HTR7: variants seen among roughly 807,000 people sequenced by gnomAD.
HTR7 encodes 5-HT-7.
Under a neutral mutation model 34.0 loss-of-function variants are expected in HTR7, and 16 were observed. That is an observed-to-expected ratio of 0.47 (90% confidence interval 0.32 to 0.71). The LOEUF (loss-of-function observed/expected upper bound fraction) is 0.71, where lower values mean the gene tolerates loss of function less well. HTR7 is among the 30% of genes least tolerant of loss of function. The probability of loss-of-function intolerance (pLI) is 0.04; values close to 1 mark genes in which losing one functional copy is unlikely to be tolerated. For missense variants in HTR7, 504 were observed against 625.5 expected (o/e 0.81, Z 2.07); for synonymous variants, 265 against 260.2 (o/e 1.02, Z -0.18).
chr10:90,808,693 A>G (rs922501940), intron 1 of HTR7, among the ~76,000 whole-genome samples: 1 of 151,768 alleles, frequency 6.6e-6, no homozygotes, highest in South Asian at 2.1e-4. Context: ...TGCTTCCTTC[A>G]CTATGGGCAA....
intron 1 of HTR7, among the ~76,000 whole-genome samples, chr10:90,843,632 A>G (rs1281904042): frequency 6.6e-6 from 1 of 152,092 alleles, no homozygotes; most frequent in Admixed American, 6.6e-5. Flanking sequence ...GCAGTATGGT[A>G]CATGACTGGT....
At chr10:90,773,590 C>A (rs1010036439) in intron 1 of HTR7, among the ~76,000 whole-genome samples, 1 of 152,008 alleles carries the variant, frequency 6.6e-6, no homozygotes, top group African/African-American at 2.4e-5. Flanking sequence ...CATTAATCAT[C>A]CTCACCTGCT....
chr10:90,826,324 A>G (rs368567231), intron 1 of HTR7, among the ~76,000 whole-genome samples: 13 of 152,366 alleles, frequency 8.5e-5, no homozygotes, highest in African/African-American at 3.1e-4. Flanking sequence ...TTTTATCAAC[A>G]GCAGACCTGT....
rs1220353780 is a variant in HTR7 at position 90,758,902 on chromosome 10, T to A, written c.540-9308A>T. Among the ~76,000 whole-genome samples, 3 of 152,046 alleles carry A rather than the reference T, an allele frequency of 2.0e-5. No homozygotes were observed. The East Asian group carries it at 5.8e-4, about 29-fold the overall frequency. On this transcript the variant is annotated intron_variant, in intron 1 of 3. Coordinates refer to ENST00000336152, the MANE Select transcript of HTR7 (RefSeq NM_019859.4). The stretch of plus-strand genomic sequence containing the variant: ...AAGATTGAGTGTATAAAATGTGAAA[T>A]AGCGGCCGGGCGTGGTGGCTCATGC...
chr10:90,743,943 G>A (rs1844596249), intron 2 of HTR7: 1 of 641,510 alleles, frequency 1.6e-6, no homozygotes, highest in Non-Finnish European at 3.0e-6. Context: ...TGAGGTTCTG[G>A]TTATGCTGAT....
chr10:90,781,882 C>T lies in HTR7; in HGVS notation c.540-32288G>A, dbSNP rs186919321. ...GTAAGCACAGGCAGCAGTCAAACCA[C>T]AATTGGTACCTTACTCAAGGCTTTC... On this transcript the variant is annotated intron_variant, in intron 1 of 3. Transcript: ENST00000336152. 1.2e-4 allele frequency among the ~76,000 whole-genome samples: 18 copies of T among 152,344 alleles called. No individual in the cohort carries two copies. The Middle Eastern group carries it at 0.01, about 86-fold the overall frequency.
chr10:90,758,738 T>C (rs1055260876), intron 1 of HTR7, among the ~76,000 whole-genome samples: 4 of 152,048 alleles, frequency 2.6e-5, no homozygotes, highest in Non-Finnish European at 4.4e-5. Flanking sequence ...AGTAAAGTTA[T>C]TGAACTTCAA....
chr10:90,772,834 T>C (rs1845138379), intron 1 of HTR7, among the ~76,000 whole-genome samples: 1 of 152,218 alleles, frequency 6.6e-6, no homozygotes, highest in Non-Finnish European at 1.5e-5. Flanking sequence ...TAAAAGTTTA[T>C]CTACAGCACT....
intron 1 of HTR7, among the ~76,000 whole-genome samples, chr10:90,781,692 C>T (rs114684859): frequency 0.015 from 2,324 of 152,256 alleles, 73 homozygotes; most frequent in African/African-American, 0.052. Context: ...GTTTATTTAT[C>T]TTAGGCAGAG....
Position 90,857,026 on chromosome 10 carries a change from T to A in HTR7, c.539+107A>T. The A allele has an allele frequency of 9.3e-7, 1 of 1,074,606 alleles. No homozygotes were observed. Among genetic ancestry groups the A allele is most frequent in the South Asian group, 1.7e-5 (1 of 59,850 alleles). 66.6% of individuals were successfully genotyped at this position (1,074,606 alleles called of 1,614,324 possible). A position where few individuals can be genotyped will look rare whatever the true frequency, so the allele number is the denominator to read the frequency against. Reference sequence around the variant, plus strand: ...GCGGTGTTTTAAGCGCAGCCCTTCATCCCGCCTTGAAGTCTAGCTTGATCC... The same window carrying A: ...GCGGTGTTTTAAGCGCAGCCCTTCAACCCGCCTTGAAGTCTAGCTTGATCC... On this transcript the variant is annotated intron_variant, in intron 1 of 3. Transcript: ENST00000336152. This position sits in a 1 kb window ranked among gnomAD's most constrained non-coding sequence, Gnocchi z 6.5.
chr10:90,783,075 T>C (rs1845331757), intron 1 of HTR7, among the ~76,000 whole-genome samples: 1 of 152,246 alleles, frequency 6.6e-6, no homozygotes, highest in Admixed American at 6.5e-5. Flanking sequence ...AAGGGTCTGT[T>C]TCTCCAATTA....
chr10:90,781,358 A>C (rs1358369505), intron 1 of HTR7, among the ~76,000 whole-genome samples: 1 of 152,360 alleles, frequency 6.6e-6, no homozygotes, highest in Admixed American at 6.5e-5. Flanking sequence ...ATTTAAGCCG[A>C]ACCCCTAACA....
At chr10:90,794,483 T>A (rs1322801213) in intron 1 of HTR7, among the ~76,000 whole-genome samples, 4 of 152,150 alleles carry the variant, frequency 2.6e-5, no homozygotes, top group Non-Finnish European at 5.9e-5. Context: ...TAATTTTTAT[T>A]TTTGTTTTCT....
At chr10:90,790,372 G>A (rs570609084) in intron 1 of HTR7, among the ~76,000 whole-genome samples, 74 of 152,232 alleles carry the variant, frequency 4.9e-4, no homozygotes, top group African/African-American at 1.2e-3. Flanking sequence ...ATGTGACACC[G>A]ATTAACAAGA....
chr10:90,756,987 T>A (rs1020126745), intron 1 of HTR7, among the ~76,000 whole-genome samples: 15 of 152,186 alleles, frequency 9.9e-5, no homozygotes, highest in African/African-American at 3.6e-4. Context: ...GTATATGGAT[T>A]CACAATAAAC....
intron 1 of HTR7, among the ~76,000 whole-genome samples, chr10:90,757,543 C>G (rs988204354): frequency 6.6e-6 from 1 of 152,164 alleles, no homozygotes; most frequent in Middle Eastern, 3.2e-3. Context: ...GCGGTAGAAT[C>G]TACTCCCTTC....
chr10:90,793,177 T>C (rs1413841625), intron 1 of HTR7, among the ~76,000 whole-genome samples: 1 of 152,036 alleles, frequency 6.6e-6, no homozygotes, highest in East Asian at 1.9e-4. Flanking sequence ...ATCCAGAATA[T>C]ATTCCGGATA....
chr10:90,809,112 C>T (rs992053976), intron 1 of HTR7, among the ~76,000 whole-genome samples: 2 of 152,222 alleles, frequency 1.3e-5, no homozygotes, highest in Middle Eastern at 3.4e-3. Context: ...CTCCCCTCCT[C>T]GCCAGGCCGA....
intron 2 of HTR7, among the ~76,000 whole-genome samples, chr10:90,748,143 T>A (rs1191951499): frequency 2.0e-5 from 3 of 152,164 alleles, no homozygotes; most frequent in Non-Finnish European, 4.4e-5. Flanking sequence ...TGTGGCTCTT[T>A]TTCTTTTATT....
Sources: allele counts gnomAD v4.1 joint callset (sites outside exome capture counted in the v4.1 genomes callset), GRCh38; gene constraint gnomAD v4.1.1; non-coding constraint Gnocchi (gnomAD v3.1); transcripts MANE v1.5; gene names NCBI Gene and HGNC (gene_info 2026-07-23, HGNC 2026-07-21).